LINGO2: variants seen among roughly 807,000 people sequenced by gnomAD.
LINGO2 encodes the protein leucine-rich repeat and immunoglobulin-like domain-containing nogo receptor-interacting protein 2.
LINGO2 carries 14 observed loss-of-function variants against 30.6 expected under a neutral mutation model. That is an observed-to-expected ratio of 0.46 (90% confidence interval 0.30 to 0.72). The LOEUF (loss-of-function observed/expected upper bound fraction) is 0.72, where lower values mean the gene tolerates loss of function less well. Among genes scored for constraint, LINGO2 ranks in the 30% least tolerant of loss-of-function variants. LINGO2 has a pLI of 0.07. For missense variants in LINGO2, 729 were observed against 751.7 expected (o/e 0.97, Z 0.35); for synonymous variants, 317 against 288.5 (o/e 1.10, Z -1.00).
chr9:27,994,314 A>G (rs1232338176), intron 5 of LINGO2, among the ~76,000 whole-genome samples: 1 of 152,188 alleles, frequency 6.6e-6, no homozygotes, highest in East Asian at 1.9e-4. Context: ...GAAATAAATC[A>G]AATTGAAACT....
At chr9:28,761,035 A>G in the LINGO2 span, among the ~76,000 whole-genome samples, 8 of 151,258 alleles carry the variant, frequency 5.3e-5, no homozygotes, top group African/African-American at 2.0e-4. Context: ...TTGGTCCCAC[A>G]ATTTTACAAT....
chr9:28,312,934 A>C (rs1481007877), intron 3 of LINGO2, among the ~76,000 whole-genome samples: 1 of 152,172 alleles, frequency 6.6e-6, no homozygotes, highest in African/African-American at 2.4e-5. Flanking sequence ...GTTATTTATT[A>C]CATTAAATGT....
At chr9:28,725,379 A>C in the LINGO2 span, among the ~76,000 whole-genome samples, 1 of 151,956 alleles carries the variant, frequency 6.6e-6, no homozygotes, top group Admixed American at 6.6e-5. Flanking sequence ...AAAACCAGGG[A>C]GGAATGCAAA....
chr9:29,059,592 A>C, the LINGO2 span, among the ~76,000 whole-genome samples: 1 of 151,408 alleles, frequency 6.6e-6, no homozygotes, highest in South Asian at 2.1e-4. Flanking sequence ...TCATCAATTG[A>C]TTTTCAACGA....
intron 3 of LINGO2, among the ~76,000 whole-genome samples, chr9:28,362,051 T>C (rs1820467199): frequency 6.6e-6 from 1 of 152,214 alleles, no homozygotes; most frequent in Non-Finnish European, 1.5e-5. Flanking sequence ...GCATAATACT[T>C]GCTAAAACAT....
rs1331629543 is a variant in LINGO2 at position 28,143,134 on chromosome 9, G to T, written c.-86-130729C>A. ...TAAGTGGTAAGCTAGTCCTACTTAG[G>T]AATCACCATCATTTTCTATAACTGC... On this transcript the variant is annotated intron_variant, in intron 4 of 5. Transcript: ENST00000379992. 2.6e-5 allele frequency among the ~76,000 whole-genome samples: 4 copies of T among 152,242 alleles called. No individual in the cohort carries two copies. The South Asian group carries it at 8.3e-4, about 32-fold the overall frequency.
chr9:28,454,785 G>A (rs962968318), intron 2 of LINGO2, among the ~76,000 whole-genome samples: 4 of 151,816 alleles, frequency 2.6e-5, no homozygotes, highest in African/African-American at 7.3e-5. Flanking sequence ...ATAGAAAATG[G>A]ATTTTTCCCT....
the LINGO2 span, among the ~76,000 whole-genome samples, chr9:28,786,617 A>G: frequency 6.6e-6 from 1 of 152,156 alleles, no homozygotes; most frequent in East Asian, 1.9e-4. Flanking sequence ...AGACAAATAG[A>G]TATTTCTTCC....
chr9:28,026,549 C>A (rs1362799644), intron 4 of LINGO2, among the ~76,000 whole-genome samples: 1 of 152,206 alleles, frequency 6.6e-6, no homozygotes, highest in Non-Finnish European at 1.5e-5. Context: ...CATTACTGCA[C>A]TACTGCATTC....
At chr9:28,022,427 G>A (rs1823175966) in intron 4 of LINGO2, among the ~76,000 whole-genome samples, 1 of 152,010 alleles carries the variant, frequency 6.6e-6, no homozygotes, top group Non-Finnish European at 1.5e-5. Flanking sequence ...ATATAGGTAT[G>A]AGTTTCTGAC....
chr9:28,817,443 T>C, the LINGO2 span, among the ~76,000 whole-genome samples: 1 of 152,222 alleles, frequency 6.6e-6, no homozygotes, highest in Non-Finnish European at 1.5e-5. Context: ...TTTCAGGACC[T>C]TTCCTTTCCA....
chr9:28,413,295 G>C (rs1324080254), intron 2 of LINGO2, among the ~76,000 whole-genome samples: 1 of 151,902 alleles, frequency 6.6e-6, no homozygotes, highest in Non-Finnish European at 1.5e-5. Context: ...GATATGCTAG[G>C]GTTTATCTAT....
chr9:28,725,716 C>A, the LINGO2 span, among the ~76,000 whole-genome samples: 1 of 151,440 alleles, frequency 6.6e-6, no homozygotes, highest in African/African-American at 2.4e-5. Context: ...AATAAAGTCA[C>A]CTATGAAAAG....
the LINGO2 span, among the ~76,000 whole-genome samples, chr9:28,837,961 G>A: frequency 6.6e-6 from 1 of 151,724 alleles, no homozygotes; most frequent in East Asian, 1.9e-4. Flanking sequence ...ATTAACAAAA[G>A]AACAAAGTTC....
At chr9:28,679,340 C>T in the LINGO2 span, among the ~76,000 whole-genome samples, 4 of 152,094 alleles carry the variant, frequency 2.6e-5, no homozygotes, top group Non-Finnish European at 4.4e-5. Context: ...CATGATTTAT[C>T]TTCTAATCTT....
chr9:29,066,505 T>C, the LINGO2 span, among the ~76,000 whole-genome samples: 1 of 151,958 alleles, frequency 6.6e-6, no homozygotes, highest in Admixed American at 6.6e-5. Context: ...GTATTTGCGA[T>C]CATAGTGGCA....
chr9:28,511,214 C>T (rs1284727837), intron 1 of LINGO2, among the ~76,000 whole-genome samples: 1 of 152,146 alleles, frequency 6.6e-6, no homozygotes, highest in Non-Finnish European at 1.5e-5. Context: ...GCATTATGTG[C>T]AGGATAGGCA....
At chr9:28,367,730 G>C (rs1010814320) in intron 3 of LINGO2, among the ~76,000 whole-genome samples, 4 of 151,892 alleles carry the variant, frequency 2.6e-5, no homozygotes, top group Non-Finnish European at 4.4e-5. Flanking sequence ...CATCATAAAA[G>C]TTGTTATTAT....
At chr9:28,955,351 T>C in the LINGO2 span, among the ~76,000 whole-genome samples, 1 of 152,140 alleles carries the variant, frequency 6.6e-6, no homozygotes, top group Non-Finnish European at 1.5e-5. Context: ...TTTCAAGTAG[T>C]CACAGATTTT....
Sources: allele counts gnomAD v4.1 joint callset (sites outside exome capture counted in the v4.1 genomes callset), GRCh38; gene constraint gnomAD v4.1.1; transcripts MANE v1.5; gene names NCBI Gene and HGNC (gene_info 2026-07-23, HGNC 2026-07-21).